The following MGAT4C variants were observed in gnomAD, a reference collection of about 807,000 sequenced individuals.
MGAT4C encodes MGAT4 family member C, also known as alpha-1,3-mannosyl-glycoprotein 4-beta-N-acetylglucosaminyltransferase C.
A neutral mutation model predicts 40.1 loss-of-function variants in MGAT4C; 19 were observed. The observed-to-expected ratio is 0.47, with a 90% CI of 0.33 to 0.70. The LOEUF (loss-of-function observed/expected upper bound fraction) is 0.70. Among genes scored for constraint, MGAT4C ranks in the 30% least tolerant of loss-of-function variants. The probability of loss-of-function intolerance (pLI) is 0.02; values close to 1 mark genes in which losing one functional copy is unlikely to be tolerated. For missense variants in MGAT4C, 491 were observed against 563.2 expected (o/e 0.87, Z 1.30); for synonymous variants, 181 against 187.1 (o/e 0.97, Z 0.27).
intron 1 of MGAT4C, among the ~76,000 whole-genome samples, chr12:86,765,658 A>G (rs900086420): frequency 9.2e-5 from 14 of 152,372 alleles, no homozygotes; most frequent in East Asian, 3.9e-4. Flanking sequence ...TCAGACTAAC[A>G]GCGGATCTCT....
At chr12:86,721,779 A>C (rs930763510) in intron 2 of MGAT4C, among the ~76,000 whole-genome samples, 1 of 152,122 alleles carries the variant, frequency 6.6e-6, no homozygotes, top group African/African-American at 2.4e-5. Context: ...AAACACACGC[A>C]GTTTGCCAGA....
intron 3 of MGAT4C, among the ~76,000 whole-genome samples, chr12:86,410,946 T>A (rs906996945): frequency 6.6e-6 from 1 of 152,176 alleles, no homozygotes; most frequent in African/African-American, 2.4e-5. Flanking sequence ...CACTTTGCTC[T>A]CCTCCTCTGC....
chr12:86,141,874 T>C (rs1439776413), intron 1 of MGAT4C, among the ~76,000 whole-genome samples: 1 of 152,124 alleles, frequency 6.6e-6, no homozygotes, highest in Non-Finnish European at 1.5e-5. Context: ...TCTCTAACCT[T>C]ATAGGCCAAG....
intron 2 of MGAT4C, among the ~76,000 whole-genome samples, chr12:86,571,270 T>C (rs1008505120): frequency 2.0e-5 from 3 of 152,184 alleles, no homozygotes; most frequent in South Asian, 2.1e-4. Context: ...TACACTGGTA[T>C]ATTGAGGAAA....
At chr12:86,165,131 A>G (rs1235087164) in intron 1 of MGAT4C, among the ~76,000 whole-genome samples, 1 of 152,136 alleles carries the variant, frequency 6.6e-6, no homozygotes, top group Non-Finnish European at 1.5e-5. Flanking sequence ...GGCTATTGGA[A>G]GTTAGAAAAA....
intron 1 of MGAT4C, among the ~76,000 whole-genome samples, chr12:86,142,966 A>G (rs1883041389): frequency 6.6e-6 from 1 of 152,140 alleles, no homozygotes; most frequent in Non-Finnish European, 1.5e-5. Context: ...GGCTCCAGAG[A>G]ACCCACTTAT....
chr12:86,454,364 A>G (rs1957475964), intron 2 of MGAT4C, among the ~76,000 whole-genome samples: 1 of 152,038 alleles, frequency 6.6e-6, no homozygotes, highest in African/African-American at 2.4e-5. Flanking sequence ...AGTAGCTGGA[A>G]CTACAGGTGC....
intron 1 of MGAT4C, among the ~76,000 whole-genome samples, chr12:86,157,403 C>T (rs1885081200): frequency 1.3e-5 from 2 of 151,972 alleles, no homozygotes; most frequent in Admixed American, 6.6e-5. Context: ...AGATTAAAGG[C>T]AATGCTTAAA....
intron 2 of MGAT4C, among the ~76,000 whole-genome samples, chr12:86,028,785 A>G (rs1296790324): frequency 6.6e-6 from 1 of 151,906 alleles, no homozygotes; most frequent in Admixed American, 6.6e-5. Flanking sequence ...TGGGGGTAGG[A>G]TTACCTTATT....
chr12:86,569,023 G>C (rs1263978384), intron 2 of MGAT4C, among the ~76,000 whole-genome samples: 1 of 151,814 alleles, frequency 6.6e-6, no homozygotes, highest in South Asian at 2.1e-4. Context: ...ATTTAACCAA[G>C]GAGGTGAAAA....
chr12:86,680,455 G>A (rs1949960972), intron 2 of MGAT4C, among the ~76,000 whole-genome samples: 2 of 151,936 alleles, frequency 1.3e-5, no homozygotes, highest in Admixed American at 6.6e-5. Flanking sequence ...GTTAGAGTCT[G>A]GGGGAATCCC....
intron 2 of MGAT4C, among the ~76,000 whole-genome samples, chr12:86,540,342 A>G (rs1161620841): frequency 6.6e-6 from 1 of 152,240 alleles, no homozygotes; most frequent in Non-Finnish European, 1.5e-5. Flanking sequence ...ATCATTTCTC[A>G]GGCAATTAAA....
intron 2 of MGAT4C, among the ~76,000 whole-genome samples, chr12:86,579,507 G>A (rs1038349062): frequency 6.6e-6 from 1 of 151,490 alleles, no homozygotes; most frequent in Non-Finnish European, 1.5e-5. Flanking sequence ...TGTACTGAGT[G>A]CGTCTTGAAA....
At chr12:86,173,929 T>C (rs1887118088) in intron 1 of MGAT4C, among the ~76,000 whole-genome samples, 1 of 152,118 alleles carries the variant, frequency 6.6e-6, no homozygotes, top group Non-Finnish European at 1.5e-5. Flanking sequence ...GCTTGTCCTG[T>C]GATATCACTG....
intron 2 of MGAT4C, among the ~76,000 whole-genome samples, chr12:85,992,739 C>T (rs1485248432): frequency 1.3e-5 from 2 of 152,232 alleles, no homozygotes; most frequent in African/African-American, 2.4e-5. Flanking sequence ...AGAACAGAAA[C>T]ATGGCCTCAG....
rs1880411422 is a variant in MGAT4C, at chr12:86,127,109, A to G, written c.-56-77386T>C. Among the ~76,000 whole-genome samples the G allele has an allele frequency of 1.3e-5, 2 of 152,242 alleles. 1 individual carries two copies. The highest frequency in any genetic ancestry group is 4.1e-4 in the South Asian group (2 of 4,828). On this transcript the variant is annotated intron_variant, in intron 1 of 4. Transcript: ENST00000611864. ...CTGGCGGCTCACCACCTGCTGTGTG[A>G]CCCAGTTCCAAACAGGCCACTGATG...
intron 1 of MGAT4C, among the ~76,000 whole-genome samples, chr12:86,181,363 A>T (rs1467066884): frequency 6.6e-6 from 1 of 152,210 alleles, no homozygotes; most frequent in Non-Finnish European, 1.5e-5. Flanking sequence ...GTTGATACTG[A>T]TGTCAATATA....
intron 1 of MGAT4C, among the ~76,000 whole-genome samples, chr12:86,745,730 TC>T (rs1732155829): frequency 6.6e-6 from 1 of 151,684 alleles, no homozygotes; most frequent in African/African-American, 2.4e-5. Flanking sequence ...TAAAGTATCT[TC>T]TTTTTAATAA....
intron 3 of MGAT4C, among the ~76,000 whole-genome samples, chr12:86,348,541 T>C (rs1036593336): frequency 6.6e-6 from 1 of 152,144 alleles, no homozygotes; most frequent in African/African-American, 2.4e-5. Context: ...ATAAATTGCA[T>C]ACATTATTGC....
Sources: gnomAD v4.1 joint callset for allele counts (sites outside exome capture counted in the v4.1 genomes callset) on GRCh38, gnomAD v4.1.1 for gene constraint, MANE v1.5 for transcripts, NCBI Gene and HGNC (gene_info 2026-07-23, HGNC 2026-07-21) for gene names.